PPFIA2: variants seen among roughly 807,000 people sequenced by gnomAD.
PPFIA2 encodes the protein liprin-alpha-2.
A neutral mutation model predicts 175.5 loss-of-function variants in PPFIA2; 46 were observed. The ratio of observed to expected loss-of-function variants is 0.26; its 90% CI spans 0.21 to 0.34. The LOEUF (loss-of-function observed/expected upper bound fraction) is 0.34. PPFIA2 is among the 10% of genes least tolerant of loss of function. The probability of loss-of-function intolerance (pLI) is 1.00; values close to 1 mark genes in which losing one functional copy is unlikely to be tolerated. For synonymous variants in PPFIA2, 568 were observed against 511.4 expected, an observed-to-expected ratio of 1.11 and a Z score of -1.49; for missense variants, 1,179 against 1,506.1, an observed-to-expected ratio of 0.78 and a Z score of 3.60.
rs869311003 is a variant in PPFIA2, at chr12:81,638,682, C to CTTTTTTT, written c.303+38102_303+38108dup. On this transcript the variant is annotated intron_variant, in intron 4 of 32. Transcript: ENST00000549396. Reference sequence around the variant, plus strand: ...ATTTTCTTGTTTTGTCATAAATTTTCTTTTTTTTTTTTTTTTTTTTTTTGA... The same window carrying CTTTTTTT: ...ATTTTCTTGTTTTGTCATAAATTTTCTTTTTTTTTTTTTTTTTTTTTTTTTTTTTTGA... Among the ~76,000 whole-genome samples, 72 of 72,686 alleles carry CTTTTTTT rather than the reference C, an allele frequency of 9.9e-4. 1 individual carries two copies. The highest frequency in any genetic ancestry group is 1.6e-3 in the African/African-American group (30 of 18,438). 47.7% of individuals were successfully genotyped at this position (72,686 alleles called of 152,430 possible). A position where few individuals can be genotyped will look rare whatever the true frequency, so the allele number is the denominator to read the frequency against.
At position 81,283,024 on chromosome 12, in the gene PPFIA2, C is replaced by T. The variant is rs1387117745; in HGVS notation, c.3004G>A (p.Gly1002Arg). ...GAATCTCCTACCTGGGCCCAGCTTC[C>T]TTCCTCAGATTCTTTCTGTGTTAGC... is the stretch of plus-strand genomic sequence containing the variant. The part of the protein sequence containing the change: ...APAKTKESEE[G>R]SWAQCPVFLQ... Residue 1002 changes from glycine (G) to arginine (R), a missense_variant, in exon 26 of 33, where the codon GGA (glycine) becomes AGA (arginine). Around this residue, in one of 10 missense-constraint regions of PPFIA2, gnomAD observed 245 missense variants for 375.1 expected, o/e 0.65. Transcript: ENST00000549396. 2 of 1,611,980 alleles carry T rather than the reference C, an allele frequency of 1.2e-6. No homozygotes were observed. The highest frequency in any genetic ancestry group is 1.7e-5 in the Admixed American group (1 of 59,886).
intron 15 of PPFIA2, among the ~76,000 whole-genome samples, chr12:81,360,101 G>T (rs2061400198): frequency 6.6e-6 from 1 of 151,864 alleles, no homozygotes; most frequent in Non-Finnish European, 1.5e-5. Context: ...AAGTGCTATT[G>T]CCATCTACCC....
intron 4 of PPFIA2, among the ~76,000 whole-genome samples, chr12:81,606,878 AT>A (rs1310245674): frequency 1.3e-5 from 2 of 152,018 alleles, no homozygotes; most frequent in African/African-American, 4.8e-5. Flanking sequence ...TGGCAAAAAA[AT>A]ATTTGCCAAT....
intron 28 of PPFIA2, among the ~76,000 whole-genome samples, chr12:81,275,894 C>G (rs1157865301): frequency 3.3e-5 from 5 of 151,696 alleles, no homozygotes; most frequent in African/African-American, 1.2e-4. Flanking sequence ...ACGCCATTCT[C>G]CTGCCTCAGC....
intron 4 of PPFIA2, among the ~76,000 whole-genome samples, chr12:81,601,665 C>T (rs1046430266): frequency 6.6e-5 from 10 of 151,666 alleles, no homozygotes; most frequent in African/African-American, 1.9e-4. Context: ...AGGAACTGAA[C>T]AGTCTTGGAG....
intron 4 of PPFIA2, among the ~76,000 whole-genome samples, chr12:81,536,801 T>G (rs1487801312): frequency 2.0e-5 from 3 of 146,596 alleles, no homozygotes. Flanking sequence ...AACTTCTCCA[T>G]TAGAAAATTA....
intron 4 of PPFIA2, among the ~76,000 whole-genome samples, chr12:81,493,783 TATATAC>T (rs1189738555): frequency 7.4e-6 from 1 of 135,960 alleles, no homozygotes; most frequent in East Asian, 2.0e-4. Flanking sequence ...TATATATATA[TATATAC>T]ACATTGGAAA....
At chr12:81,755,424 G>A (rs2153668527) in intron 2 of PPFIA2, among the ~76,000 whole-genome samples, 1 of 152,244 alleles carries the variant, frequency 6.6e-6, no homozygotes, top group South Asian at 2.1e-4. Context: ...TGATCCTGAA[G>A]CACTGTTTGG....
At chr12:81,276,589 G>T (rs1565865808) in intron 28 of PPFIA2, among the ~76,000 whole-genome samples, 1 of 151,750 alleles carries the variant, frequency 6.6e-6, no homozygotes, top group African/African-American at 2.4e-5. Context: ...ATTCTTTCTT[G>T]GGCATATTAA....
intron 21 of PPFIA2, among the ~76,000 whole-genome samples, chr12:81,327,196 A>C (rs536541557): frequency 6.2e-4 from 95 of 152,206 alleles, no homozygotes; most frequent in Middle Eastern, 3.4e-3. Context: ...GTCTCCTTTA[A>C]TTAAAAACAC....
intron 4 of PPFIA2, among the ~76,000 whole-genome samples, chr12:81,603,183 A>G (rs1595505374): frequency 6.6e-6 from 1 of 151,824 alleles, no homozygotes; most frequent in Non-Finnish European, 1.5e-5. Context: ...CTCCTCACTT[A>G]TGAAATGGGG....
At chr12:81,666,185 T>C (rs1312380600) in intron 4 of PPFIA2, among the ~76,000 whole-genome samples, 2 of 152,144 alleles carry the variant, frequency 1.3e-5, no homozygotes, top group Non-Finnish European at 2.9e-5. Context: ...AGTTCAACCA[T>C]TGTGGAATTC....
chr12:81,489,357 A>G (rs972116977), intron 4 of PPFIA2, among the ~76,000 whole-genome samples: 1 of 151,828 alleles, frequency 6.6e-6, no homozygotes, highest in African/African-American at 2.4e-5. Context: ...AAGGAACCGT[A>G]AAACTCAAGA....
chr12:81,420,493 G>A (rs2046050105), intron 7 of PPFIA2, among the ~76,000 whole-genome samples: 1 of 151,826 alleles, frequency 6.6e-6, no homozygotes, highest in Non-Finnish European at 1.5e-5. Flanking sequence ...TCATAAAAAA[G>A]AGTCTAACAG....
intron 3 of PPFIA2, 38 bp from the exon 4 acceptor site, chr12:81,676,882 C>T: frequency 2.8e-6 from 4 of 1,449,424 alleles, no homozygotes; most frequent in South Asian, 1.3e-5. Flanking sequence ...AAGTGCTACT[C>T]AACAGCATGA....
intron 31 of PPFIA2, among the ~76,000 whole-genome samples, chr12:81,262,935 T>G (rs557606226): frequency 2.0e-5 from 3 of 152,214 alleles, no homozygotes; most frequent in Admixed American, 6.5e-5. Flanking sequence ...ATTTTGGGAA[T>G]AGAAGACTAA....
At chr12:81,557,397 A>G (rs1418404205) in intron 4 of PPFIA2, among the ~76,000 whole-genome samples, 2 of 151,914 alleles carry the variant, frequency 1.3e-5, no homozygotes, top group Admixed American at 6.6e-5. Flanking sequence ...AGACTCCCCA[A>G]ATCCCCATAT....
intron 28 of PPFIA2, among the ~76,000 whole-genome samples, chr12:81,268,798 CTG>C (rs1487310803): frequency 6.6e-6 from 1 of 152,168 alleles, no homozygotes; most frequent in Non-Finnish European, 1.5e-5. Context: ...GATTGTAATA[CTG>C]TCTTTCATCA....
chr12:81,693,176 G>A (rs535510127), intron 3 of PPFIA2, among the ~76,000 whole-genome samples: 6 of 152,080 alleles, frequency 3.9e-5, no homozygotes, highest in African/African-American at 1.4e-4. Flanking sequence ...ATTATAAAGT[G>A]TATAAGAGAT....
Sources: gnomAD v4.1 joint callset for allele counts (sites outside exome capture counted in the v4.1 genomes callset) on GRCh38, gnomAD v4.1.1 for gene constraint, gnomAD v4.1.1 regional missense constraint, MANE v1.5 for transcripts, NCBI Gene and HGNC (gene_info 2026-07-23, HGNC 2026-07-21) for gene names.